The following PRKCA variants were observed in gnomAD, a reference collection of about 807,000 sequenced individuals.
PRKCA encodes the protein protein kinase C alpha, also known as protein kinase C alpha type.
Under a neutral mutation model 87.0 loss-of-function variants are expected in PRKCA, and 27 were observed. The ratio of observed to expected loss-of-function variants is 0.31; its 90% CI spans 0.23 to 0.43. PRKCA has a LOEUF of 0.43. PRKCA is among the 20% of genes least tolerant of loss of function. The probability of loss-of-function intolerance (pLI) is 1.00; values close to 1 mark genes in which losing one functional copy is unlikely to be tolerated. For synonymous variants in PRKCA, 329 were observed against 311.1 expected (o/e 1.06, Z -0.61); for missense variants, 518 against 852.3 (o/e 0.61, Z 4.88).
intron 2 of PRKCA, among the ~76,000 whole-genome samples, chr17:66,372,020 A>C (rs1909141780): frequency 6.6e-6 from 1 of 152,208 alleles, no homozygotes; most frequent in Non-Finnish European, 1.5e-5. Context: ...ATGTGGATGG[A>C]AACTTCAGGG....
At chr17:66,443,839 G>A (rs1913897190) in intron 2 of PRKCA, among the ~76,000 whole-genome samples, 1 of 152,146 alleles carries the variant, frequency 6.6e-6, no homozygotes, top group African/African-American at 2.4e-5. Context: ...AGTGAATTAG[G>A]CTGGCAAGGT....
chr17:66,590,466 G>A lies in PRKCA; in HGVS notation c.289-50889G>A, dbSNP rs1253664112. ...GAGTGCTCGGCCACTGTGAAGCTCT[G>A]TGTAAATGTTATATACACAGTACTC... On this transcript the variant is annotated intron_variant, in intron 3 of 16. Transcript: ENST00000413366. 2.0e-5 allele frequency among the ~76,000 whole-genome samples: 3 copies of A among 152,298 alleles called. No individual in the cohort carries two copies. In the East Asian group the frequency reaches 5.8e-4, roughly 29 times the overall value.
At chr17:66,506,128 T>C (rs1916965718) in intron 3 of PRKCA, among the ~76,000 whole-genome samples, 1 of 152,144 alleles carries the variant, frequency 6.6e-6, no homozygotes, top group Non-Finnish European at 1.5e-5. Flanking sequence ...AAACTCCATC[T>C]CTACTAAAAT....
chr17:66,590,356 C>T (rs1969762666), intron 3 of PRKCA, among the ~76,000 whole-genome samples: 1 of 152,174 alleles, frequency 6.6e-6, no homozygotes, highest in African/African-American at 2.4e-5. Flanking sequence ...GCACTTCAGT[C>T]TCCACCCCTG....
chr17:66,431,745 T>C (rs9913908), intron 2 of PRKCA, among the ~76,000 whole-genome samples: 47,405 of 152,060 alleles, frequency 0.31, 7,994 homozygotes, highest in East Asian at 0.5. Context: ...GATTCCTGAG[T>C]TGGACACATT....
At chr17:66,619,391 A>G (rs994895091) in intron 3 of PRKCA, among the ~76,000 whole-genome samples, 1 of 152,218 alleles carries the variant, frequency 6.6e-6, no homozygotes, top group Middle Eastern at 3.2e-3. Flanking sequence ...TGATGAAAGC[A>G]TTAAGAACTT....
chr17:66,398,656 T>A (rs1480303561), intron 2 of PRKCA, among the ~76,000 whole-genome samples: 1 of 152,066 alleles, frequency 6.6e-6, no homozygotes, highest in Non-Finnish European at 1.5e-5. Flanking sequence ...TTGGAGAGTG[T>A]TAGTGTTCAG....
At chr17:66,331,013 A>G (rs1906291236) in intron 2 of PRKCA, among the ~76,000 whole-genome samples, 1 of 152,242 alleles carries the variant, frequency 6.6e-6, no homozygotes, top group African/African-American at 2.4e-5. Context: ...TCCATAAATT[A>G]ACAAGGGGTT....
chr17:66,488,923 T>C (rs981295124), intron 2 of PRKCA, among the ~76,000 whole-genome samples: 4 of 152,182 alleles, frequency 2.6e-5, no homozygotes, highest in Non-Finnish European at 4.4e-5. Flanking sequence ...CATGCAGATA[T>C]AATATAAGCT....
At chr17:66,418,304 T>A (rs1216508099) in intron 2 of PRKCA, among the ~76,000 whole-genome samples, 1 of 152,218 alleles carries the variant, frequency 6.6e-6, no homozygotes, top group African/African-American at 2.4e-5. Context: ...TATGTTTGAA[T>A]ACAGAAACTT....
At chr17:66,556,263 G>A (rs1326938402) in intron 3 of PRKCA, among the ~76,000 whole-genome samples, 1 of 149,816 alleles carries the variant, frequency 6.7e-6, no homozygotes, top group East Asian at 2.0e-4. Context: ...TGTACCTGGA[G>A]TCATTTAAAA....
At chr17:66,390,647 C>A (rs1221871502) in intron 2 of PRKCA, among the ~76,000 whole-genome samples, 1 of 152,172 alleles carries the variant, frequency 6.6e-6, no homozygotes, top group Non-Finnish European at 1.5e-5. Flanking sequence ...CATTGGTTCC[C>A]AAAAGGTCAT....
chr17:66,745,799 C>A (rs1039104045), intron 13 of PRKCA, among the ~76,000 whole-genome samples: 1 of 152,192 alleles, frequency 6.6e-6, no homozygotes, highest in East Asian at 1.9e-4. Context: ...TGGTTAGTAA[C>A]GTGTCTAAGG....
intron 2 of PRKCA, among the ~76,000 whole-genome samples, chr17:66,490,011 C>T (rs1916166077): frequency 6.6e-6 from 1 of 152,074 alleles, no homozygotes; most frequent in Non-Finnish European, 1.5e-5. Flanking sequence ...AAACTCTTGA[C>T]CTCAAGTGAT....
chr17:66,596,228 AT>A (rs1261714772), intron 3 of PRKCA, among the ~76,000 whole-genome samples: 1 of 152,222 alleles, frequency 6.6e-6, no homozygotes, highest in Non-Finnish European at 1.5e-5. Flanking sequence ...CTTCTGGCGT[AT>A]TTACCGCTTT....
At position 66,507,393 on chromosome 17, in the gene PRKCA, C is replaced by T. The variant is rs529919058; in HGVS notation, c.288+11110C>T. On this transcript the variant is annotated intron_variant, in intron 3 of 16. Coordinates refer to ENST00000413366, the MANE Select transcript of PRKCA (RefSeq NM_002737.3). Reference sequence around the variant, plus strand: ...AACCTGTTCTTTTTCCACAGTACCACGTGACTGAACAGCAAAGCTAACTTA... The same window carrying T: ...AACCTGTTCTTTTTCCACAGTACCATGTGACTGAACAGCAAAGCTAACTTA... Among the ~76,000 whole-genome samples, 23 of 152,262 alleles carry T rather than the reference C, an allele frequency of 1.5e-4. No homozygotes were observed. The South Asian group carries it at 3.9e-3, about 26-fold the overall frequency.
chr17:66,319,292 G>A (rs1236377109), intron 2 of PRKCA, among the ~76,000 whole-genome samples: 1 of 152,130 alleles, frequency 6.6e-6, no homozygotes, highest in African/African-American at 2.4e-5. Flanking sequence ...TTTTCTAGAT[G>A]TTATATGTTT....
At chr17:66,631,518 A>G (rs112248211) in intron 3 of PRKCA, among the ~76,000 whole-genome samples, 2,069 of 152,266 alleles carry the variant, frequency 0.014, 43 homozygotes, top group African/African-American at 0.048. Context: ...ACCTGGGCTT[A>G]AGCAATCCTC....
chr17:66,744,543 C>T (rs543876063), intron 13 of PRKCA, among the ~76,000 whole-genome samples: 6 of 152,302 alleles, frequency 3.9e-5, no homozygotes, highest in African/African-American at 1.4e-4. Flanking sequence ...TTCAGTAACA[C>T]CTCAGCTATC....
Sources: allele counts gnomAD v4.1 joint callset (sites outside exome capture counted in the v4.1 genomes callset), GRCh38; gene constraint gnomAD v4.1.1; transcripts MANE v1.5; gene names NCBI Gene and HGNC (gene_info 2026-07-23, HGNC 2026-07-21).